Variants in SFMBT1 observed in about 807,000 individuals in gnomAD.
The protein encoded by SFMBT1 is Scm like with four mbt domains 1.
SFMBT1 carries 32 observed loss-of-function variants against 108.7 expected under a neutral mutation model. The ratio of observed to expected loss-of-function variants is 0.29; its 90% CI spans 0.22 to 0.40. The LOEUF (loss-of-function observed/expected upper bound fraction) is 0.40. Among genes scored for constraint, SFMBT1 ranks in the 10% least tolerant of loss-of-function variants. The pLI, the probability that SFMBT1 is intolerant of heterozygous loss-of-function variation, is 1.00. For missense variants in SFMBT1, 816 were observed against 1,059.6 expected (o/e 0.77, Z 3.19); for synonymous variants, 348 against 369.5 (o/e 0.94, Z 0.67).
rs535187296 is a variant in SFMBT1, at chr3:52,970,848, G to A, written c.-130-1590C>T. 2.4e-4 allele frequency among the ~76,000 whole-genome samples: 37 copies of A among 152,268 alleles called. No homozygotes were observed. In the South Asian group the frequency reaches 5.4e-3, roughly 22 times the overall value. On this transcript the variant is annotated intron_variant, in intron 1 of 20. Transcript: ENST00000394752. ...AAAGGACAATAGCTTAAAATGGGTAGGGATGGCCAGGTGCGTGGCTCATGC... is the reference window on the plus strand; with the variant it reads ...AAAGGACAATAGCTTAAAATGGGTAAGGATGGCCAGGTGCGTGGCTCATGC...
intron 3 of SFMBT1, among the ~76,000 whole-genome samples, chr3:52,951,188 A>AC (rs1264763182): frequency 1.5e-5 from 2 of 136,918 alleles, no homozygotes; most frequent in African/African-American, 5.5e-5. Context: ...AAAAAAAAAA[A>AC]AAAACACACA....
rs752435432 is a variant in SFMBT1, at chr3:52,907,523, A to G, written c.2085+32T>C. 8.1e-6 allele frequency: 13 copies of G among 1,596,244 alleles called. No homozygotes were observed. In the South Asian group the frequency reaches 1.5e-4, roughly 18 times the overall value. On this transcript the variant is annotated intron_variant, in intron 18 of 20. Transcript: ENST00000394752. ...TATAAAGCAGTGGTCACTTGGCTTC[A>G]AGACATTACAGGCACATCACAGATC...
At chr3:52,924,510 C>T (rs987507649) in intron 10 of SFMBT1, among the ~76,000 whole-genome samples, 6 of 151,926 alleles carry the variant, frequency 3.9e-5, no homozygotes, top group Non-Finnish European at 7.4e-5. Context: ...GGCATGGTGG[C>T]GGGCGCCTAT....
rs766980569 is a variant in SFMBT1, at chr3:52,907,081, A to T, written c.2319T>A (p.Pro773=). ...TTTTAAATGGTACCTTTGGTGAAGG[A>T]GGTTTATTTTCATCGTCAGAAAATG... ...TFSFSDDENK[P]PSPKEIRIEV... Residue 773 remains proline, a synonymous_variant, in exon 19 of 21, where the codon CCT becomes CCA. Coordinates refer to ENST00000394752, the MANE Select transcript of SFMBT1 (RefSeq NM_016329.4). The T allele has an allele frequency of 6.8e-6, 11 of 1,609,276 alleles. No individual in the cohort carries two copies. The Admixed American group carries it at 1.4e-4, about 20-fold the overall frequency.
Position 52,939,148 on chromosome 3 carries a change from T to C in SFMBT1, c.364+4205A>G, listed in dbSNP as rs551816542. On this transcript the variant is annotated intron_variant, in intron 4 of 20. Transcript: ENST00000394752. Reference sequence around the variant, plus strand: ...TTTCTCCTAAATAGCCGTGGTATTATTTTTTGCTTTAAAGTTCAATACTTT... The same window carrying C: ...TTTCTCCTAAATAGCCGTGGTATTACTTTTTGCTTTAAAGTTCAATACTTT... 2.0e-5 allele frequency among the ~76,000 whole-genome samples: 3 copies of C among 152,346 alleles called. No individual in the cohort carries two copies. In the East Asian group the frequency reaches 5.8e-4, roughly 29 times the overall value.
chr3:52,936,217 C>T (rs1333221715), intron 4 of SFMBT1, among the ~76,000 whole-genome samples: 1 of 152,162 alleles, frequency 6.6e-6, no homozygotes, highest in Non-Finnish European at 1.5e-5. Flanking sequence ...ATTATTCCTT[C>T]TTCATTTACT....
intron 15 of SFMBT1, 150 bp downstream of exon 15, chr3:52,913,328 C>A (rs1164252648): frequency 2.2e-6 from 2 of 909,686 alleles, no homozygotes; most frequent in East Asian, 5.4e-5. Flanking sequence ...TAATTACATA[C>A]CCTCTTCACT....
intron 1 of SFMBT1, among the ~76,000 whole-genome samples, chr3:53,029,775 T>C (rs1190859322): frequency 6.6e-6 from 1 of 152,062 alleles, no homozygotes; most frequent in Non-Finnish European, 1.5e-5. Flanking sequence ...GCCTATGCCA[T>C]CCCCTCTGCA....
intron 1 of SFMBT1, among the ~76,000 whole-genome samples, chr3:53,036,512 C>G (rs1699874703): frequency 6.6e-6 from 1 of 152,212 alleles, no homozygotes; most frequent in Admixed American, 6.5e-5. Flanking sequence ...AGAAAGAGAC[C>G]TGGGCAAACA....
In SFMBT1 at chr3:52,932,312, T is replaced by C; in HGVS notation, c.454-4A>G. On this transcript the variant is annotated splice_polypyrimidine_tract_variant and splice_region_variant and intron_variant, in intron 5 of 20. Transcript: ENST00000394752. The stretch of plus-strand genomic sequence containing the variant: ...AAGGATTCCTCCCATTACGGAGCTG[T>C]AGGATTAAAAAGTAAAACAACCCAG... 2 of 1,607,738 alleles carry C rather than the reference T, an allele frequency of 1.2e-6. No homozygotes were observed. Among genetic ancestry groups the C allele is most frequent in the Non-Finnish European group, 8.5e-7 (1 of 1,177,682 alleles).
intron 1 of SFMBT1, among the ~76,000 whole-genome samples, chr3:53,021,387 T>C (rs995504137): frequency 2.0e-5 from 3 of 152,202 alleles, no homozygotes; most frequent in African/African-American, 4.8e-5. Context: ...ATGTTAAAGC[T>C]GGGTGATGTG....
At position 52,904,613 on chromosome 3, in the gene SFMBT1, A is replaced by T. The variant is rs1702020821; in HGVS notation, c.*523T>A. 1 of 152,742 alleles carries T rather than the reference A, an allele frequency of 6.5e-6. No individual in the cohort carries two copies. The highest frequency in any genetic ancestry group is 2.1e-4 in the South Asian group (1 of 4,834). The allele number at this position is 152,742 out of a possible 1,614,324, so 9.5% of individuals were successfully genotyped here. A position where few individuals can be genotyped will look rare whatever the true frequency, so the allele number is the denominator to read the frequency against. On this transcript the variant is annotated 3_prime_UTR_variant, in exon 21 of 21. Coordinates refer to ENST00000394752, the MANE Select transcript of SFMBT1 (RefSeq NM_016329.4). ...TTCAAAACCCTAGAGCCACATAATC[A>T]TCCCCAAAATGAACTGTTTTAATTT...
At chr3:52,931,994 C>T (rs972628582) in intron 6 of SFMBT1, 68 bp downstream of exon 6, 109 of 1,508,496 alleles carry the variant, frequency 7.2e-5, no homozygotes, top group Non-Finnish European at 8.9e-5. Flanking sequence ...TATATTTTTT[C>T]AGCCTCATAG....
intron 1 of SFMBT1, among the ~76,000 whole-genome samples, chr3:52,987,853 C>T (rs1403537700): frequency 6.6e-6 from 1 of 152,116 alleles, no homozygotes; most frequent in African/African-American, 2.4e-5. Context: ...CAGATTAATT[C>T]ATATGAAAGG....
rs750599715 is a variant in SFMBT1 at position 52,921,693 on chromosome 3, G to A, written c.1258+12C>T. On this transcript the variant is annotated intron_variant, in intron 11 of 20. Transcript: ENST00000394752. ...GTGGCCACAGGAAGGCTTCTAGAGT[G>A]CTGGCACTCACCCTCCAGCTGGAGC... The A allele has an allele frequency of 1.2e-6, 2 of 1,613,784 alleles. No homozygotes were observed. The highest frequency in any genetic ancestry group is 1.7e-6 in the Non-Finnish European group (2 of 1,179,862).
At chr3:53,038,183 G>C (rs1699926112) in intron 1 of SFMBT1, among the ~76,000 whole-genome samples, 1 of 152,206 alleles carries the variant, frequency 6.6e-6, no homozygotes, top group African/African-American at 2.4e-5. Flanking sequence ...GGCTGAGGCA[G>C]GAGAAGTGCT....
intron 1 of SFMBT1, among the ~76,000 whole-genome samples, chr3:53,038,174 G>A (rs892690521): frequency 1.3e-5 from 2 of 152,170 alleles, no homozygotes; most frequent in Non-Finnish European, 2.9e-5. Context: ...TACTCAGGAG[G>A]CTGAGGCAGG....
At chr3:53,033,389 G>A (rs1699754740) in intron 1 of SFMBT1, among the ~76,000 whole-genome samples, 1 of 152,056 alleles carries the variant, frequency 6.6e-6, no homozygotes, top group African/African-American at 2.4e-5. Flanking sequence ...TCAAATGCCT[G>A]ACCTCAAGTG....
intron 1 of SFMBT1, among the ~76,000 whole-genome samples, chr3:52,992,930 T>C (rs892304884): frequency 2.6e-5 from 4 of 152,186 alleles, no homozygotes; most frequent in Non-Finnish European, 5.9e-5. Context: ...AGCTTGCAAC[T>C]TCTGTCTGAA....
Sources: gnomAD v4.1 joint callset for allele counts (sites outside exome capture counted in the v4.1 genomes callset) on GRCh38, gnomAD v4.1.1 for gene constraint, MANE v1.5 for transcripts, NCBI Gene and HGNC (gene_info 2026-07-23, HGNC 2026-07-21) for gene names.